Variants in TAF3 observed in about 807,000 individuals in gnomAD.
TAF3 encodes the protein TATA-box binding protein associated factor 3, also known as transcription initiation factor TFIID subunit 3.
In TAF3, 7 loss-of-function variants were observed where a neutral mutation model predicts 80.6. The observed-to-expected ratio is 0.09, with a 90% CI of 0.05 to 0.16. TAF3 has a LOEUF of 0.16. Among genes scored for constraint, TAF3 ranks in the 10% least tolerant of loss-of-function variants. The pLI is 1.00. For missense variants in TAF3, 921 were observed against 1,140.2 expected (o/e 0.81, Z 2.77); for synonymous variants, 444 against 446.1 (o/e 1.00, Z 0.06).
chr10:7,860,061 A>T (rs1164674534), intron 2 of TAF3, among the ~76,000 whole-genome samples: 2 of 152,152 alleles, frequency 1.3e-5, no homozygotes, highest in Non-Finnish European at 2.9e-5. Flanking sequence ...GCTTGAGCTC[A>T]GGAGTTCAAG....
chr10:7,874,882 G>A (rs187197207), intron 2 of TAF3, among the ~76,000 whole-genome samples: 2 of 151,728 alleles, frequency 1.3e-5, no homozygotes, highest in Admixed American at 6.6e-5. Flanking sequence ...TATTGAGCTC[G>A]GGTTTTTTTC....
intron 2 of TAF3, among the ~76,000 whole-genome samples, chr10:7,929,839 G>C (rs112974841): frequency 0.017 from 2,586 of 152,160 alleles, 80 homozygotes; most frequent in African/African-American, 0.059. Flanking sequence ...AAATGTCCAG[G>C]CATGACAAGA....
At chr10:7,854,428 A>T (rs565391788) in intron 2 of TAF3, among the ~76,000 whole-genome samples, 2 of 152,234 alleles carry the variant, frequency 1.3e-5, no homozygotes, top group African/African-American at 2.4e-5. Context: ...TGGAAGCTCT[A>T]TGTGATTTTT....
chr10:7,869,858 T>C (rs1837248416), intron 2 of TAF3, among the ~76,000 whole-genome samples: 1 of 152,234 alleles, frequency 6.6e-6, no homozygotes, highest in Non-Finnish European at 1.5e-5. Flanking sequence ...TATATTTATG[T>C]TTATAAACTA....
rs1831542081 is a variant in TAF3 at position 7,964,166 on chromosome 10, T to C, written c.656T>C (p.Ile219Thr). Residue 219 changes from isoleucine to threonine, a missense_variant, in exon 3 of 7, where the codon ATA (isoleucine) becomes ACA (threonine). Ile to Thr is a moderately conservative substitution (Grantham distance 89). Transcript: ENST00000344293. The surrounding 1 kb of genome is among the most constrained non-coding windows in gnomAD (Gnocchi z 4.1). Reference sequence around the variant, plus strand: ...GAAGCTCGAGAGCCACTCAGCTCAATAAATACTCAAAAGATCCCACCAATG... The same window carrying C: ...GAAGCTCGAGAGCCACTCAGCTCAACAAATACTCAAAAGATCCCACCAATG... ...LLEAREPLSS[I>T]NTQKIPPMLS... The C allele has an allele frequency of 2.5e-6, 4 of 1,613,984 alleles. No homozygotes were observed. Among genetic ancestry groups the C allele is most frequent in the Admixed American group, 3.3e-5 (2 of 59,996 alleles).
intron 2 of TAF3, among the ~76,000 whole-genome samples, chr10:7,963,233 T>C (rs1164675387): frequency 6.6e-6 from 1 of 152,210 alleles, no homozygotes; most frequent in South Asian, 2.1e-4. Flanking sequence ...TACTAAGTCC[T>C]ATAATAATCC....
intron 2 of TAF3, among the ~76,000 whole-genome samples, chr10:7,856,523 T>A (rs1322021178): frequency 6.6e-6 from 1 of 152,018 alleles, no homozygotes; most frequent in African/African-American, 2.4e-5. Context: ...AAAGATTTTT[T>A]AAAAATTATA....
chr10:7,959,905 G>A (rs1838172901), intron 2 of TAF3, among the ~76,000 whole-genome samples: 2 of 152,190 alleles, frequency 1.3e-5, no homozygotes, highest in Non-Finnish European at 2.9e-5. Context: ...GTAGTCCTGG[G>A]TATCCCCTGT....
chr10:7,934,360 T>G (rs1024515747), intron 2 of TAF3, among the ~76,000 whole-genome samples: 3 of 152,242 alleles, frequency 2.0e-5, no homozygotes, highest in African/African-American at 7.2e-5. Flanking sequence ...TGATGACATC[T>G]TAGATTCAAT....
chr10:7,909,988 T>C (rs1837641732), intron 2 of TAF3, among the ~76,000 whole-genome samples: 1 of 152,204 alleles, frequency 6.6e-6, no homozygotes, highest in Admixed American at 6.5e-5. Context: ...CTTGAAATCG[T>C]CTCCAGGTTA....
At chr10:7,989,609 C>T (rs571662132) in intron 4 of TAF3, among the ~76,000 whole-genome samples, 2 of 152,176 alleles carry the variant, frequency 1.3e-5, no homozygotes, top group African/African-American at 2.4e-5. Flanking sequence ...TAAATTAAAA[C>T]TTTTGATAGA....
intron 4 of TAF3, among the ~76,000 whole-genome samples, chr10:8,007,348 T>C (rs1030528022): frequency 6.6e-6 from 1 of 151,660 alleles, no homozygotes; most frequent in Non-Finnish European, 1.5e-5. Context: ...AGTAATGCAG[T>C]ATGTATTGTT....
At position 7,890,962 on chromosome 10, in the gene TAF3, C is replaced by T. The variant is rs1362948099; in HGVS notation, c.409+66402C>T. On this transcript the variant is annotated intron_variant, in intron 2 of 6. Transcript: ENST00000344293. ...CTGGGAAAAACTAGTTTGAGAACAGCGTAACTGAATTTTGCTAAGCATGTA... is the reference window on the plus strand; with the variant it reads ...CTGGGAAAAACTAGTTTGAGAACAGTGTAACTGAATTTTGCTAAGCATGTA... Among the ~76,000 whole-genome samples the T allele has an allele frequency of 6.6e-5, 10 of 152,198 alleles. No individual in the cohort carries two copies. The South Asian group carries it at 1.2e-3, about 19-fold the overall frequency.
intron 2 of TAF3, among the ~76,000 whole-genome samples, chr10:7,930,081 T>G (rs1801495792): frequency 6.6e-6 from 1 of 152,096 alleles, no homozygotes; most frequent in Non-Finnish European, 1.5e-5. Flanking sequence ...ACCTGTGGTC[T>G]CAGCTACTTA....
chr10:7,865,403 C>T (rs1361852817), intron 2 of TAF3, among the ~76,000 whole-genome samples: 1 of 152,056 alleles, frequency 6.6e-6, no homozygotes, highest in East Asian at 1.9e-4. Context: ...GGTGTGAACC[C>T]GGGAGGCGGA....
In TAF3 at chr10:7,841,038, A is replaced by G. The variant is rs375934032; in HGVS notation, c.409+16478A>G. On this transcript the variant is annotated intron_variant, in intron 2 of 6. Coordinates refer to ENST00000344293, the MANE Select transcript of TAF3 (RefSeq NM_031923.4). ...CTAATTTTTGGTATTTTTAGTAGAG[A>G]GGGGGTTTCACCATGTTGGCCAGGC... is the stretch of plus-strand genomic sequence containing the variant. Among the ~76,000 whole-genome samples, 16 of 152,130 alleles carry G rather than the reference A, an allele frequency of 1.1e-4. No individual in the cohort carries two copies. In the East Asian group the frequency reaches 2.5e-3, roughly 24 times the overall value.
chr10:7,862,993 A>G (rs965308238), intron 2 of TAF3, among the ~76,000 whole-genome samples: 2 of 152,184 alleles, frequency 1.3e-5, no homozygotes, highest in South Asian at 2.1e-4. Flanking sequence ...TAACGTTGAT[A>G]TGAACATTTA....
At chr10:7,858,824 G>A (rs545554551) in intron 2 of TAF3, among the ~76,000 whole-genome samples, 69 of 138,078 alleles carry the variant, frequency 5.0e-4, no homozygotes, top group African/African-American at 1.8e-3. Context: ...GTGTGTGTGT[G>A]TGTGCGCGCG....
At chr10:7,957,651 T>C (rs1266092690) in intron 2 of TAF3, among the ~76,000 whole-genome samples, 1 of 152,162 alleles carries the variant, frequency 6.6e-6, no homozygotes, top group African/African-American at 2.4e-5. Flanking sequence ...AATATTTGTT[T>C]CTCACATATG....
Sources: allele counts gnomAD v4.1 joint callset (sites outside exome capture counted in the v4.1 genomes callset), GRCh38; gene constraint gnomAD v4.1.1; non-coding constraint Gnocchi (gnomAD v3.1); transcripts MANE v1.5; gene names NCBI Gene and HGNC (gene_info 2026-07-23, HGNC 2026-07-21).